Variants in PARD3B observed in about 807,000 individuals in gnomAD.
PARD3B encodes par-3 family cell polarity regulator beta.
A neutral mutation model predicts 130.2 loss-of-function variants in PARD3B; 103 were observed. That is an observed-to-expected ratio of 0.79 (90% CI 0.67 to 0.93). The LOEUF is 0.93. Ranked by LOEUF, PARD3B falls within the 40% of genes least tolerant of loss-of-function variation. PARD3B has a pLI of 0.00. For synonymous variants in PARD3B, 583 were observed against 553.2 expected (o/e 1.05, Z -0.76); for missense variants, 1,609 against 1,499.2 (o/e 1.07, Z -1.21).
intron 2 of PARD3B, among the ~76,000 whole-genome samples, chr2:204,956,850 T>C (rs1302270105): frequency 6.6e-6 from 1 of 152,204 alleles, no homozygotes; most frequent in South Asian, 2.1e-4. Context: ...AAATTTGTGT[T>C]ATTCTGTGAT....
Position 205,440,118 on chromosome 2 carries a change from A to C in PARD3B, c.2742-252A>C, listed in dbSNP as rs1008715162. Among the ~76,000 whole-genome samples, 2 of 152,184 alleles carry C rather than the reference A, an allele frequency of 1.3e-5. No individual in the cohort carries two copies. The highest frequency in any genetic ancestry group is 4.8e-5 in the African/African-American group (2 of 41,464). ...CAGCCTCTGAAGCTACTATCAGCCT[A>C]GTCATCAGTGGGCAAGATATCAAAA... On this transcript the variant is annotated intron_variant, in intron 19 of 22. Coordinates refer to ENST00000406610, the MANE Select transcript of PARD3B (RefSeq NM_001302769.2). The surrounding 1 kb of genome is among the most constrained non-coding windows in gnomAD (Gnocchi z 4.2).
chr2:204,862,530 C>T (rs1575157979), intron 2 of PARD3B, among the ~76,000 whole-genome samples: 1 of 152,158 alleles, frequency 6.6e-6, no homozygotes, highest in Non-Finnish European at 1.5e-5. Flanking sequence ...TACTAGGTTC[C>T]TCCTCTGTAA....
chr2:204,934,795 T>C (rs1688288270), intron 2 of PARD3B, among the ~76,000 whole-genome samples: 1 of 152,244 alleles, frequency 6.6e-6, no homozygotes, highest in Non-Finnish European at 1.5e-5. Context: ...AAGTATTTAT[T>C]AGTCAGTTTG....
At chr2:205,308,852 A>G (rs1319552696) in intron 18 of PARD3B, among the ~76,000 whole-genome samples, 1 of 152,116 alleles carries the variant, frequency 6.6e-6, no homozygotes, top group East Asian at 1.9e-4. Flanking sequence ...AGAATAAACA[A>G]CTAATCCAAA....
chr2:205,294,988 AT>A (rs760780582), intron 16 of PARD3B, among the ~76,000 whole-genome samples: 17 of 152,186 alleles, frequency 1.1e-4, no homozygotes, highest in Non-Finnish European at 1.6e-4. Context: ...GAAATTATAC[AT>A]TTGGATATTA....
At chr2:205,177,350 A>G (rs1246284645) in intron 13 of PARD3B, among the ~76,000 whole-genome samples, 1 of 152,210 alleles carries the variant, frequency 6.6e-6, no homozygotes, top group Non-Finnish European at 1.5e-5. Context: ...CATTTTATGT[A>G]TATCTTTCAG....
intron 2 of PARD3B, among the ~76,000 whole-genome samples, chr2:204,692,041 C>T (rs947066783): frequency 6.6e-6 from 1 of 152,134 alleles, no homozygotes. Flanking sequence ...GCTGCATGAA[C>T]TAGTGACCTA....
intron 18 of PARD3B, among the ~76,000 whole-genome samples, chr2:205,365,927 T>G (rs1169856540): frequency 6.6e-6 from 1 of 152,182 alleles, no homozygotes; most frequent in Non-Finnish European, 1.5e-5. Context: ...TTTCCAATTA[T>G]TTTGGAGAAG....
intron 18 of PARD3B, among the ~76,000 whole-genome samples, chr2:205,374,216 C>T (rs2044941299): frequency 6.6e-6 from 1 of 151,386 alleles, no homozygotes. Flanking sequence ...TTCATAATCC[C>T]ATACAAAACA....
chr2:204,824,800 A>C (rs1386507271), intron 2 of PARD3B, among the ~76,000 whole-genome samples: 1 of 152,194 alleles, frequency 6.6e-6, no homozygotes, highest in Non-Finnish European at 1.5e-5. Context: ...GAGGCTGTGA[A>C]CATTCCTACA....
chr2:205,314,408 A>G (rs1239759487), intron 18 of PARD3B, among the ~76,000 whole-genome samples: 1 of 152,172 alleles, frequency 6.6e-6, no homozygotes, highest in East Asian at 1.9e-4. Flanking sequence ...ACCACGCTTC[A>G]GTGTATACTT....
At chr2:205,393,376 C>T (rs1287980966) in intron 18 of PARD3B, among the ~76,000 whole-genome samples, 2 of 152,252 alleles carry the variant, frequency 1.3e-5, no homozygotes, top group East Asian at 3.9e-4. Flanking sequence ...AACAATCATC[C>T]AGGTCCAGAA....
At chr2:204,829,165 T>C (rs2043708964) in intron 2 of PARD3B, among the ~76,000 whole-genome samples, 1 of 152,232 alleles carries the variant, frequency 6.6e-6, no homozygotes, top group Non-Finnish European at 1.5e-5. Flanking sequence ...CTATATGTTA[T>C]AGCAGCAATG....
intron 2 of PARD3B, among the ~76,000 whole-genome samples, chr2:204,771,558 C>T (rs1161479559): frequency 6.6e-6 from 1 of 152,052 alleles, no homozygotes; most frequent in African/African-American, 2.4e-5. Context: ...GAAAAACTAC[C>T]TGTAGGGTAC....
At chr2:204,667,956 G>C (rs758533650) in intron 1 of PARD3B, among the ~76,000 whole-genome samples, 7 of 152,172 alleles carry the variant, frequency 4.6e-5, no homozygotes, top group Non-Finnish European at 8.8e-5. Context: ...TATATAAAGA[G>C]AGTTAAAACA....
intron 2 of PARD3B, among the ~76,000 whole-genome samples, chr2:204,831,716 T>G (rs1341408269): frequency 6.6e-6 from 1 of 152,200 alleles, no homozygotes; most frequent in Non-Finnish European, 1.5e-5. Flanking sequence ...GTTTCTTTTG[T>G]ATTAATAGTT....
intron 5 of PARD3B, among the ~76,000 whole-genome samples, chr2:205,108,295 A>G (rs1703368139): frequency 6.6e-6 from 1 of 152,268 alleles, no homozygotes; most frequent in Middle Eastern, 3.4e-3. Context: ...TTTCTAAACC[A>G]TAGCGTTTAT....
intron 2 of PARD3B, among the ~76,000 whole-genome samples, chr2:204,771,424 A>G (rs1289911190): frequency 2.0e-5 from 3 of 152,082 alleles, no homozygotes; most frequent in African/African-American, 4.8e-5. Flanking sequence ...TGAGAACACT[A>G]TGTTTTAATG....
intron 21 of PARD3B, among the ~76,000 whole-genome samples, chr2:205,506,345 A>G (rs1330620230): frequency 1.3e-5 from 2 of 152,242 alleles, no homozygotes; most frequent in South Asian, 4.1e-4. Context: ...AAAAACAAAA[A>G]CAAAAACAAA....
Sources: gnomAD v4.1 joint callset for allele counts (sites outside exome capture counted in the v4.1 genomes callset) on GRCh38, gnomAD v4.1.1 for gene constraint, Gnocchi (gnomAD v3.1) non-coding constraint, MANE v1.5 for transcripts, NCBI Gene and HGNC (gene_info 2026-07-23, HGNC 2026-07-21) for gene names.